SCN8A: variants seen among roughly 807,000 people sequenced by gnomAD.
SCN8A encodes the protein sodium voltage-gated channel alpha subunit 8.
In SCN8A, 30 loss-of-function variants were observed where a neutral mutation model predicts 184.1. The observed-to-expected ratio is 0.16, with a 90% CI of 0.12 to 0.22. The LOEUF is 0.22. Among genes scored for constraint, SCN8A ranks in the 10% least tolerant of loss-of-function variants. The probability of loss-of-function intolerance (pLI) is 1.00; values close to 1 mark genes in which losing one functional copy is unlikely to be tolerated. For missense variants in SCN8A, 1,057 were observed against 2,498.9 expected, an observed-to-expected ratio of 0.42 and a Z score of 12.30; for synonymous variants, 852 against 907.0, an observed-to-expected ratio of 0.94 and a Z score of 1.09.
chr12:51,729,017 A>G (rs1942198957), intron 12 of SCN8A, among the ~76,000 whole-genome samples: 1 of 152,216 alleles, frequency 6.6e-6, no homozygotes, highest in Non-Finnish European at 1.5e-5. Flanking sequence ...CACAAATGGC[A>G]GTTATGGTGG....
At chr12:51,690,524 T>A (rs181911114) in intron 6 of SCN8A, among the ~76,000 whole-genome samples, 2,430 of 151,766 alleles carry the variant, frequency 0.016, 30 homozygotes, top group African/African-American at 0.034. Context: ...AGCTCATTTT[T>A]AAAAAAAAAT....
chr12:51,735,778 C>T (rs975174607), intron 12 of SCN8A, among the ~76,000 whole-genome samples: 2 of 152,132 alleles, frequency 1.3e-5, no homozygotes, highest in South Asian at 2.1e-4. Context: ...GTCTCTTCCT[C>T]GGCATCTGGC....
chr12:51,792,482 C>A (rs1938287135), intron 25 of SCN8A, among the ~76,000 whole-genome samples: 1 of 100,682 alleles, frequency 9.9e-6, no homozygotes, highest in Non-Finnish European at 2.0e-5. Flanking sequence ...CAGCGAGACC[C>A]TATCTCAAAA....
chr12:51,743,286 T>C (rs1316355308), intron 12 of SCN8A, among the ~76,000 whole-genome samples: 1 of 152,138 alleles, frequency 6.6e-6, no homozygotes, highest in Admixed American at 6.5e-5. Flanking sequence ...TTGTTGGTGT[T>C]TGGGCATTGA....
intron 19 of SCN8A, among the ~76,000 whole-genome samples, chr12:51,772,167 G>A (rs1475489396): frequency 1.3e-5 from 2 of 150,126 alleles, no homozygotes; most frequent in Admixed American, 6.6e-5. Flanking sequence ...AGGCCAAGAC[G>A]TGCGGATCAC....
intron 12 of SCN8A, among the ~76,000 whole-genome samples, chr12:51,734,648 AT>A (rs767190142): frequency 3.3e-5 from 5 of 152,136 alleles, no homozygotes; most frequent in Non-Finnish European, 5.9e-5. Context: ...TGCTGCAGAG[AT>A]TTTGTTTATG....
intron 12 of SCN8A, among the ~76,000 whole-genome samples, chr12:51,724,298 T>A (rs1396808971): frequency 6.6e-6 from 1 of 152,054 alleles, no homozygotes; most frequent in Non-Finnish European, 1.5e-5. Flanking sequence ...AATACAAAAA[T>A]TAGCCAGGCA....
At chr12:51,778,544 C>G (rs1362654277) in intron 20 of SCN8A, among the ~76,000 whole-genome samples, 1 of 152,152 alleles carries the variant, frequency 6.6e-6, no homozygotes, top group African/African-American at 2.4e-5. Flanking sequence ...CCACCTCGGC[C>G]ACAACACCTG....
chr12:51,600,370 T>G (rs1233101698), intron 1 of SCN8A, among the ~76,000 whole-genome samples: 2 of 152,182 alleles, frequency 1.3e-5, no homozygotes, highest in African/African-American at 4.8e-5. Flanking sequence ...TTTTTGATTG[T>G]TTGTTTATAT....
chr12:51,755,979 C>T (rs1942667940), intron 14 of SCN8A, among the ~76,000 whole-genome samples: 3 of 152,046 alleles, frequency 2.0e-5, no homozygotes, highest in Non-Finnish European at 4.4e-5. Flanking sequence ...GAGCCGTGTC[C>T]TCCATGTGGA....
At chr12:51,663,264 T>A (rs1940961377) in intron 2 of SCN8A, among the ~76,000 whole-genome samples, 171 bp downstream of exon 2, 1 of 152,192 alleles carries the variant, frequency 6.6e-6, no homozygotes, top group Non-Finnish European at 1.5e-5. Context: ...TAAGGGTCAT[T>A]TGTGGTCTTG....
intron 20 of SCN8A, among the ~76,000 whole-genome samples, chr12:51,775,416 A>G (rs1937660046): frequency 6.6e-6 from 1 of 152,104 alleles, no homozygotes; most frequent in African/African-American, 2.4e-5. Flanking sequence ...ATTGTCTGCA[A>G]TTTCCATGGT....
intron 12 of SCN8A, among the ~76,000 whole-genome samples, chr12:51,727,086 A>G (rs1474411473): frequency 6.6e-6 from 1 of 152,280 alleles, no homozygotes. Flanking sequence ...AAATGTGGGC[A>G]GAATCTGCCA....
At chr12:51,656,863 G>A (rs984777104) in intron 1 of SCN8A, among the ~76,000 whole-genome samples, 3 of 152,092 alleles carry the variant, frequency 2.0e-5, no homozygotes, top group Admixed American at 6.5e-5. Context: ...ACAAGTGTTG[G>A]CAAGGATATG....
intron 2 of SCN8A, among the ~76,000 whole-genome samples, chr12:51,683,912 C>G (rs1010668430): frequency 6.6e-6 from 1 of 152,112 alleles, no homozygotes; most frequent in Non-Finnish European, 1.5e-5. Context: ...AGGTATGATT[C>G]AAATGGCCTG....
At chr12:51,724,184 G>T (rs1942119351) in intron 12 of SCN8A, among the ~76,000 whole-genome samples, 2 of 152,172 alleles carry the variant, frequency 1.3e-5, no homozygotes, top group Admixed American at 1.3e-4. Flanking sequence ...GGTGGCTCAT[G>T]CCTATAATCC....
At position 51,602,166 on chromosome 12, in the gene SCN8A, T is replaced by G. The variant is rs376692093; in HGVS notation, c.-55+10807T>G. 6.9e-4 allele frequency among the ~76,000 whole-genome samples: 104 copies of G among 151,474 alleles called. 1 individual carries two copies. Among genetic ancestry groups the G allele is most frequent in the African/African-American group, 2.4e-3 (99 of 41,240 alleles). ...TTAAGAAAAATCCAGTGTGGATCTG[T>G]AGAGTTCAGAGTATTGGTGCTCAAC... On this transcript the variant is annotated intron_variant, in intron 1 of 26. Coordinates refer to ENST00000627620, the MANE Select transcript of SCN8A (RefSeq NM_001330260.2).
At chr12:51,766,106 T>G in intron 16 of SCN8A, 79 bp downstream of exon 16, 2 of 1,080,030 alleles carry the variant, frequency 1.9e-6, no homozygotes, top group Non-Finnish European at 2.9e-6. Context: ...GTCCTTCTAC[T>G]GCTTAGTCCT....
chr12:51,628,591 A>T (rs1274919535), intron 1 of SCN8A, among the ~76,000 whole-genome samples: 1 of 152,084 alleles, frequency 6.6e-6, no homozygotes, highest in East Asian at 1.9e-4. Context: ...GGTGGGGGGA[A>T]AGGGGTGGTG....
Sources: allele counts gnomAD v4.1 joint callset (sites outside exome capture counted in the v4.1 genomes callset), GRCh38; gene constraint gnomAD v4.1.1; transcripts MANE v1.5; gene names NCBI Gene and HGNC (gene_info 2026-07-23, HGNC 2026-07-21).